SRPK2: variants seen among roughly 807,000 people sequenced by gnomAD.
SRPK2 encodes the protein SFRS protein kinase 2.
A neutral mutation model predicts 90.8 loss-of-function variants in SRPK2; 21 were observed. The observed-to-expected ratio is 0.23, with a 90% CI of 0.16 to 0.33. SRPK2 has a LOEUF of 0.33. Among genes scored for constraint, SRPK2 ranks in the 10% least tolerant of loss-of-function variants. The probability of loss-of-function intolerance (pLI) is 1.00; values close to 1 mark genes in which losing one functional copy is unlikely to be tolerated. For missense variants in SRPK2, 620 were observed against 869.0 expected, an observed-to-expected ratio of 0.71 and a Z score of 3.60; for synonymous variants, 288 against 311.1, an observed-to-expected ratio of 0.93 and a Z score of 0.78.
chr7:105,226,840 A>G (rs1168876345), intron 2 of SRPK2, among the ~76,000 whole-genome samples: 3 of 152,044 alleles, frequency 2.0e-5, no homozygotes, highest in Non-Finnish European at 2.9e-5. Context: ...TCTACTAAAA[A>G]TAGAAAAATT....
At chr7:105,156,663 G>A (rs1806542710) in intron 7 of SRPK2, among the ~76,000 whole-genome samples, 1 of 152,044 alleles carries the variant, frequency 6.6e-6, no homozygotes, top group African/African-American at 2.4e-5. Flanking sequence ...ATCATACCTG[G>A]CTAATTTTTA....
chr7:105,205,545 A>T lies in SRPK2; in HGVS notation c.72-1760T>A, dbSNP rs1054524055. On this transcript the variant is annotated intron_variant, in intron 2 of 15. Coordinates refer to ENST00000393651, the MANE Select transcript of SRPK2 (RefSeq NM_182692.3). ...CACACACACACACACACACACACAC[A>T]CACACACACACACACACACACACAC... Among the ~76,000 whole-genome samples the T allele has an allele frequency of 3.2e-3, 436 of 137,896 alleles. 4 individuals are homozygous for T. Among genetic ancestry groups the T allele is most frequent in the African/African-American group, 0.013 (370 of 29,466 alleles). The allele number at this position is 137,896 out of a possible 152,430, so 90.5% of individuals were successfully genotyped here. A position where few individuals can be genotyped will look rare whatever the true frequency, so the allele number is the denominator to read the frequency against.
intron 9 of SRPK2, 116 bp downstream of exon 9, chr7:105,145,167 G>T: frequency 1.5e-6 from 1 of 659,826 alleles, no homozygotes; most frequent in Non-Finnish European, 2.3e-6. Context: ...AGGATACACA[G>T]CTTTTATAAA....
chr7:105,203,762 G>A lies in SRPK2; in HGVS notation c.95C>T (p.Pro32Leu), dbSNP rs912855576. The A allele has an allele frequency of 1.3e-6, 2 of 1,598,036 alleles. No individual in the cohort carries two copies. The highest frequency in any genetic ancestry group is 1.8e-5 in the Admixed American group (1 of 57,050). The change falls in exon 3 of 16, where the codon CCT becomes CTT. Residue 32 changes from proline to leucine, a missense_variant. Transcript: ENST00000393651. ...PKKPEPQQKAPLVPPPPPPPP... is the reference protein window; with the variant it reads ...PKKPEPQQKALLVPPPPPPPP... ...TGGCGGTGGAGGAGGAGGAACTAAA[G>A]GAGCTTTCTGTTGAGGCTCCGGCCT...
intron 2 of SRPK2, among the ~76,000 whole-genome samples, chr7:105,379,251 AAAT>A (rs1367454491): frequency 4.6e-5 from 7 of 151,944 alleles, no homozygotes; most frequent in African/African-American, 1.4e-4. Context: ...AAAAGTAAAT[AAAT>A]AATAACAAAA....
intron 2 of SRPK2, among the ~76,000 whole-genome samples, chr7:105,305,478 A>G (rs948992863): frequency 2.6e-5 from 4 of 152,232 alleles, no homozygotes; most frequent in African/African-American, 9.6e-5. Flanking sequence ...TTATTATAAC[A>G]GTATACAAAA....
At chr7:105,130,031 T>G (rs1163494422) in intron 13 of SRPK2, among the ~76,000 whole-genome samples, 1 of 152,102 alleles carries the variant, frequency 6.6e-6, no homozygotes, top group Non-Finnish European at 1.5e-5. Flanking sequence ...CAAAGAAGTT[T>G]CAGATTATAT....
chr7:105,211,886 C>T (rs1346945928), intron 2 of SRPK2, among the ~76,000 whole-genome samples: 2 of 152,160 alleles, frequency 1.3e-5, no homozygotes, highest in South Asian at 4.1e-4. Context: ...GTAAATCAGA[C>T]CTGCTTCCCA....
chr7:105,359,865 G>A (rs1458390478), intron 2 of SRPK2, among the ~76,000 whole-genome samples: 3 of 152,202 alleles, frequency 2.0e-5, no homozygotes, highest in Non-Finnish European at 4.4e-5. Flanking sequence ...TTGATTTGGG[G>A]TGGAGAATTT....
At chr7:105,357,000 T>C (rs912687647) in intron 2 of SRPK2, among the ~76,000 whole-genome samples, 15 of 152,180 alleles carry the variant, frequency 9.9e-5, no homozygotes, top group African/African-American at 2.9e-4. Flanking sequence ...AATCTTTTCA[T>C]AGTAAACCAT....
chr7:105,216,826 T>TG (rs1237300234), intron 2 of SRPK2, among the ~76,000 whole-genome samples: 3 of 152,226 alleles, frequency 2.0e-5, no homozygotes, highest in South Asian at 4.1e-4. Context: ...GCTGAATACC[T>TG]GTTCCATCAC....
chr7:105,371,891 T>G (rs781541296), intron 2 of SRPK2, among the ~76,000 whole-genome samples: 1 of 152,076 alleles, frequency 6.6e-6, no homozygotes, highest in Non-Finnish European at 1.5e-5. Context: ...TTCCAGCACT[T>G]TGGGAGGCCC....
chr7:105,309,447 T>A (rs1811473662), intron 2 of SRPK2, among the ~76,000 whole-genome samples: 1 of 152,232 alleles, frequency 6.6e-6, no homozygotes, highest in African/African-American at 2.4e-5. Flanking sequence ...CAGCATTTTG[T>A]GTATATTTTA....
At chr7:105,130,272 C>T (rs1030562019) in intron 13 of SRPK2, among the ~76,000 whole-genome samples, 2 of 152,142 alleles carry the variant, frequency 1.3e-5, no homozygotes, top group African/African-American at 4.8e-5. Context: ...CAAAGACAGC[C>T]GGGCACAGTG....
chr7:105,217,599 T>G (rs1006193478), intron 2 of SRPK2, among the ~76,000 whole-genome samples: 2 of 152,234 alleles, frequency 1.3e-5, no homozygotes, highest in Non-Finnish European at 2.9e-5. Flanking sequence ...CAGAACTGAT[T>G]TTCTCCTTCC....
intron 15 of SRPK2, among the ~76,000 whole-genome samples, chr7:105,120,449 G>A (rs1800173317): frequency 6.6e-6 from 1 of 152,204 alleles, no homozygotes; most frequent in African/African-American, 2.4e-5. Flanking sequence ...GAAAGGCCAT[G>A]AGAAACTATT....
intron 2 of SRPK2, among the ~76,000 whole-genome samples, chr7:105,247,008 T>C (rs1316872595): frequency 6.6e-6 from 1 of 152,098 alleles, no homozygotes; most frequent in Non-Finnish European, 1.5e-5. Context: ...TCTACTGGAG[T>C]GGGCCTGTGC....
intron 2 of SRPK2, among the ~76,000 whole-genome samples, chr7:105,257,742 C>A (rs575274034): frequency 8.6e-5 from 13 of 151,846 alleles, no homozygotes; most frequent in Admixed American, 8.5e-4. Flanking sequence ...GGTGGAGACA[C>A]AAAGATTCCT....
chr7:105,267,867 C>A (rs1035090742), intron 2 of SRPK2, among the ~76,000 whole-genome samples: 1 of 151,944 alleles, frequency 6.6e-6, no homozygotes, highest in Non-Finnish European at 1.5e-5. Context: ...GATAACCCTG[C>A]AAACCCTAGA....
Sources: gnomAD v4.1 joint callset for allele counts (sites outside exome capture counted in the v4.1 genomes callset) on GRCh38, gnomAD v4.1.1 for gene constraint, MANE v1.5 for transcripts, NCBI Gene and HGNC (gene_info 2026-07-23, HGNC 2026-07-21) for gene names.